Variants in ROBO2 observed in about 807,000 individuals in gnomAD.
ROBO2 encodes the protein roundabout homolog 2.
ROBO2 carries 53 observed loss-of-function variants against 160.8 expected under a neutral mutation model. The ratio of observed to expected loss-of-function variants is 0.33; its 90% confidence interval spans 0.26 to 0.41. The LOEUF (loss-of-function observed/expected upper bound fraction) is 0.41, where lower values mean the gene tolerates loss of function less well. Ranked by LOEUF, ROBO2 falls within the 10% of genes least tolerant of loss-of-function variation. ROBO2 has a pLI of 1.00. For missense variants in ROBO2, 1,577 were observed against 1,722.4 expected (o/e 0.92, Z 1.49); for synonymous variants, 664 against 611.7 (o/e 1.09, Z -1.26).
intron 1 of ROBO2, among the ~76,000 whole-genome samples, chr3:77,043,575 G>A (rs558963823): frequency 1.3e-5 from 2 of 152,086 alleles, no homozygotes; most frequent in South Asian, 4.1e-4. Context: ...GTAAATAATG[G>A]TTTTCTTATT....
chr3:76,453,095 G>A lies in ROBO2; in HGVS notation c.109+515493G>A, dbSNP rs531483469. ...TATTAGCCCTTTGTCAGATGAGTAG[G>A]TTGCAAAAATTTTCTCCCATTCTGT... On this transcript the variant is annotated intron_variant, in intron 2 of 26. Coordinates refer to the ROBO2 transcript ENST00000487694. Among the ~76,000 whole-genome samples, 370 of 152,094 alleles carry A rather than the reference G, an allele frequency of 2.4e-3. 2 individuals carry two copies. The highest frequency in any genetic ancestry group is 6.6e-3 in the African/African-American group (273 of 41,496).
At chr3:76,493,110 T>C (rs935858261) in intron 2 of ROBO2, among the ~76,000 whole-genome samples, 3 of 151,816 alleles carry the variant, frequency 2.0e-5, no homozygotes, top group Non-Finnish European at 1.5e-5. Context: ...ATGCATAGCG[T>C]TGTGGCTGTC....
intron 2 of ROBO2, among the ~76,000 whole-genome samples, chr3:76,901,568 CAAAAAAA>C (rs34372046): frequency 1.1e-4 from 8 of 75,878 alleles, no homozygotes; most frequent in African/African-American, 3.8e-4. Context: ...AATTTCATCT[CAAAAAAA>C]AAAAAAAAAA....
At chr3:77,302,952 T>G (rs1428338645) in intron 2 of ROBO2, among the ~76,000 whole-genome samples, 1 of 152,166 alleles carries the variant, frequency 6.6e-6, no homozygotes, top group Admixed American at 6.6e-5. Context: ...AAGGGAATAT[T>G]TTTTCTTTAC....
intron 1 of ROBO2, among the ~76,000 whole-genome samples, chr3:77,065,258 C>A (rs993801519): frequency 6.6e-6 from 1 of 152,060 alleles, no homozygotes; most frequent in Non-Finnish European, 1.5e-5. Context: ...ATTAAAGAGA[C>A]GTTTTAAATA....
At chr3:76,556,284 A>G (rs1221017735) in intron 2 of ROBO2, among the ~76,000 whole-genome samples, 1 of 152,272 alleles carries the variant, frequency 6.6e-6, no homozygotes, top group East Asian at 1.9e-4. Flanking sequence ...CACCTTAGGC[A>G]TGAAGAAATT....
chr3:77,071,597 CT>C (rs543068142), intron 1 of ROBO2, among the ~76,000 whole-genome samples: 15 of 152,284 alleles, frequency 9.9e-5, no homozygotes, highest in African/African-American at 3.6e-4. Flanking sequence ...TATTAAGCAG[CT>C]TGCCTGAGGG....
intron 2 of ROBO2, among the ~76,000 whole-genome samples, chr3:76,881,798 C>A (rs1467410704): frequency 6.6e-6 from 1 of 152,210 alleles, no homozygotes; most frequent in Non-Finnish European, 1.5e-5. Flanking sequence ...ATGGCCTTGG[C>A]TATGGCAGAA....
intron 14 of ROBO2, among the ~76,000 whole-genome samples, 166 bp downstream of exon 15, chr3:77,574,896 C>A (rs1315070881): frequency 6.6e-6 from 1 of 151,904 alleles, no homozygotes; most frequent in Non-Finnish European, 1.5e-5. Context: ...ATCTGACAAG[C>A]AGAAAAAAGG....
At chr3:76,934,114 C>T (rs1257757526) in intron 2 of ROBO2, among the ~76,000 whole-genome samples, 1 of 151,808 alleles carries the variant, frequency 6.6e-6, no homozygotes, top group Non-Finnish European at 1.5e-5. Context: ...GATTGGACAT[C>T]TGACAGCTTC....
chr3:77,605,183 A>G (rs907221496), intron 20 of ROBO2, among the ~76,000 whole-genome samples: 1 of 149,110 alleles, frequency 6.7e-6, no homozygotes, highest in Admixed American at 6.7e-5. Context: ...AAAAAAGTAT[A>G]TATATAGTAT....
At chr3:76,665,157 T>G (rs1274016919) in intron 2 of ROBO2, among the ~76,000 whole-genome samples, 1 of 152,174 alleles carries the variant, frequency 6.6e-6, no homozygotes, top group Non-Finnish European at 1.5e-5. Context: ...CCTTTTCTAT[T>G]CTCAGCTTCC....
At chr3:77,084,972 A>T (rs936178460) in intron 1 of ROBO2, among the ~76,000 whole-genome samples, 2 of 152,130 alleles carry the variant, frequency 1.3e-5, no homozygotes, top group African/African-American at 4.8e-5. Context: ...TTTTGCTCTG[A>T]AACAGAAGAC....
chr3:76,513,816 C>T (rs1270843072), intron 2 of ROBO2, among the ~76,000 whole-genome samples: 5 of 152,106 alleles, frequency 3.3e-5, no homozygotes, highest in African/African-American at 4.8e-5. Context: ...CTACCCACTT[C>T]GGCCAACCTC....
intron 2 of ROBO2, among the ~76,000 whole-genome samples, chr3:76,837,188 A>C (rs561955109): frequency 6.6e-6 from 1 of 152,052 alleles, no homozygotes; most frequent in South Asian, 2.1e-4. Flanking sequence ...ACCAAGGAAC[A>C]GTCAGTTTAA....
At chr3:76,879,765 AC>A (rs1389577692) in intron 2 of ROBO2, among the ~76,000 whole-genome samples, 2 of 152,142 alleles carry the variant, frequency 1.3e-5, no homozygotes, top group East Asian at 3.8e-4. Context: ...TTCGTAGTTA[AC>A]TTTGATTATA....
At chr3:77,076,439 T>C (rs2068012995) in intron 1 of ROBO2, among the ~76,000 whole-genome samples, 1 of 152,148 alleles carries the variant, frequency 6.6e-6, no homozygotes, top group Non-Finnish European at 1.5e-5. Context: ...TTTTTCTTTT[T>C]TCTTAAAGTT....
intron 2 of ROBO2, among the ~76,000 whole-genome samples, chr3:76,477,950 C>T (rs1310930477): frequency 2.6e-5 from 4 of 151,974 alleles, no homozygotes; most frequent in African/African-American, 7.2e-5. Flanking sequence ...AATGTCATTT[C>T]TCCATTCAAA....
chr3:76,390,735 T>G (rs1276628967), intron 2 of ROBO2, among the ~76,000 whole-genome samples: 2 of 152,204 alleles, frequency 1.3e-5, no homozygotes, highest in Non-Finnish European at 2.9e-5. Context: ...CCTTTCTAAA[T>G]GATTATCATA....
Sources: allele counts gnomAD v4.1 joint callset (sites outside exome capture counted in the v4.1 genomes callset), GRCh38; gene constraint gnomAD v4.1.1; transcripts MANE v1.5; gene names NCBI Gene and HGNC (gene_info 2026-07-23, HGNC 2026-07-21).